Variants in GPATCH2 observed in about 807,000 individuals in gnomAD.
GPATCH2 encodes the protein G-patch domain containing 2.
Under a neutral mutation model 58.0 loss-of-function variants are expected in GPATCH2, and 51 were observed. The ratio of observed to expected loss-of-function variants is 0.88; its 90% CI spans 0.70 to 1.11. The LOEUF is 1.11. GPATCH2 is among the 50% of genes most tolerant of loss of function. The probability of loss-of-function intolerance (pLI) is 0.00; values close to 1 mark genes in which losing one functional copy is unlikely to be tolerated. For missense variants in GPATCH2, 625 were observed against 652.2 expected, an observed-to-expected ratio of 0.96 and a Z score of 0.45; for synonymous variants, 222 against 218.5, an observed-to-expected ratio of 1.02 and a Z score of -0.14.
rs868312808 is a variant in GPATCH2, at chr1:217,567,050, T to G, written c.1098+43271A>C. ...CTCAGCAAATATAACTTCTGGCTTT[T>G]TTTTTTTTTTTTTGAGACGGAGTTT... On this transcript the variant is annotated intron_variant, in intron 5 of 9. Coordinates refer to ENST00000366935, the MANE Select transcript of GPATCH2 (RefSeq NM_018040.5). 3.0e-3 allele frequency among the ~76,000 whole-genome samples: 454 copies of G among 150,830 alleles called. 4 individuals carry two copies. The highest frequency in any genetic ancestry group is 0.014 in the Middle Eastern group (4 of 294).
chr1:217,584,040 C>T (rs919155859), intron 5 of GPATCH2, among the ~76,000 whole-genome samples: 1 of 151,604 alleles, frequency 6.6e-6, no homozygotes, highest in Non-Finnish European at 1.5e-5. Context: ...AATGATCCTG[C>T]AAAGAAAGAC....
At chr1:217,514,292 T>A (rs945654741) in intron 6 of GPATCH2, among the ~76,000 whole-genome samples, 1 of 151,958 alleles carries the variant, frequency 6.6e-6, no homozygotes, top group Non-Finnish European at 1.5e-5. Context: ...CCTGAGTAGC[T>A]GGGATTACAG....
chr1:217,624,480 G>A (rs1295229187), intron 1 of GPATCH2, among the ~76,000 whole-genome samples: 1 of 152,238 alleles, frequency 6.6e-6, no homozygotes, highest in Non-Finnish European at 1.5e-5. Flanking sequence ...TCATGCCACT[G>A]TACTCCAGCC....
At chr1:217,537,192 G>T (rs147651568) in intron 5 of GPATCH2, among the ~76,000 whole-genome samples, 1 of 150,036 alleles carries the variant, frequency 6.7e-6, no homozygotes. Flanking sequence ...GGTTTATTCC[G>T]TCTCTCTGAA....
intron 5 of GPATCH2, among the ~76,000 whole-genome samples, chr1:217,543,471 G>A (rs930224360): frequency 6.6e-6 from 1 of 151,758 alleles, no homozygotes; most frequent in Non-Finnish European, 1.5e-5. Context: ...GGGTTTCAAC[G>A]TGTTAGCCAG....
intron 8 of GPATCH2, among the ~76,000 whole-genome samples, chr1:217,466,437 C>G (rs1458396401): frequency 6.6e-6 from 1 of 152,072 alleles, no homozygotes. Flanking sequence ...ATGGCCCAGG[C>G]AGGTCTCAAA....
At chr1:217,624,272 C>T (rs1669341059) in intron 1 of GPATCH2, among the ~76,000 whole-genome samples, 2 of 152,154 alleles carry the variant, frequency 1.3e-5, no homozygotes, top group Admixed American at 6.5e-5. Context: ...AATCCCAGCA[C>T]TTTGGGAGGC....
intron 6 of GPATCH2, among the ~76,000 whole-genome samples, chr1:217,512,261 G>T (rs752470416): frequency 7.2e-5 from 11 of 152,184 alleles, no homozygotes; most frequent in Non-Finnish European, 1.5e-4. Flanking sequence ...GGTTGAGGCT[G>T]CAGTGAGCCA....
chr1:217,534,537 ACTT>A (rs997373255), intron 5 of GPATCH2, among the ~76,000 whole-genome samples: 9 of 151,182 alleles, frequency 6.0e-5, no homozygotes, highest in Non-Finnish European at 1.0e-4. Flanking sequence ...TCTGTGTTAA[ACTT>A]CTTCTTCCAT....
Position 217,610,991 on chromosome 1 carries a change from C to T in GPATCH2, c.916G>A (p.Glu306Lys). 6.2e-7 allele frequency: 1 copy of T among 1,613,298 alleles called. No individual in the cohort carries two copies. The highest frequency in any genetic ancestry group is 8.5e-7 in the Non-Finnish European group (1 of 1,179,492). ...CGITGVVPWW[E>K]KEDPTELDKN... Reference sequence around the variant, plus strand: ...TCTAGCTCAGTAGGATCTTCCTTTTCCCACCAGGGCACAACTCCAGTGATA... The same window carrying T: ...TCTAGCTCAGTAGGATCTTCCTTTTTCCACCAGGGCACAACTCCAGTGATA... Residue 306 changes from glutamate (E) to lysine (K), a missense_variant, in exon 4 of 10, where the codon GAA (glutamate) becomes AAA (lysine). Transcript: ENST00000366935.
chr1:217,620,004 T>C lies in GPATCH2; in HGVS notation c.552A>G (p.Pro184=), dbSNP rs1397567425. ...TGTCCTGATCTCTACAACCCTCAGG[T>C]GGCTGGGTCATTGTCCGTTTGTTAG... ...DISNKRTMTQ[P]PEGCRDQDMD... Residue 184 remains proline (P), a synonymous_variant, in exon 2 of 10, where the codon CCA becomes CCG. Coordinates refer to ENST00000366935, the MANE Select transcript of GPATCH2 (RefSeq NM_018040.5). 3.1e-6 allele frequency: 5 copies of C among 1,613,934 alleles called. No homozygotes were observed. Among genetic ancestry groups the C allele is most frequent in the Non-Finnish European group, 3.4e-6 (4 of 1,179,964 alleles).
At position 217,431,039 on chromosome 1, in the gene GPATCH2, T is replaced by C. The variant is rs1271302572; in HGVS notation, c.*106A>G. Reference sequence around the variant, plus strand: ...GCAGTAAGGAAGCTAGAGTGATGTGTTTGAGGCAATGTAGATTTTTGCTTC... The same window carrying C: ...GCAGTAAGGAAGCTAGAGTGATGTGCTTGAGGCAATGTAGATTTTTGCTTC... On this transcript the variant is annotated 3_prime_UTR_variant, in exon 10 of 10. Transcript: ENST00000366935. 6.8e-6 allele frequency: 5 copies of C among 733,276 alleles called. No homozygotes were observed. The East Asian group carries it at 1.2e-4, about 18-fold the overall frequency. 45.4% of individuals were successfully genotyped at this position (733,276 alleles called of 1,614,324 possible).
chr1:217,447,657 A>G (rs1349869114), intron 9 of GPATCH2, among the ~76,000 whole-genome samples: 1 of 152,246 alleles, frequency 6.6e-6, no homozygotes, highest in Non-Finnish European at 1.5e-5. Context: ...TGAAAATTCA[A>G]TACAGCCAGA....
intron 5 of GPATCH2, among the ~76,000 whole-genome samples, chr1:217,597,512 C>T (rs899086551): frequency 2.6e-5 from 4 of 152,070 alleles, no homozygotes; most frequent in Non-Finnish European, 5.9e-5. Context: ...GCTCTAGATA[C>T]CTCTTAAACA....
chr1:217,511,264 T>A (rs1013419127), intron 6 of GPATCH2, among the ~76,000 whole-genome samples: 4 of 152,178 alleles, frequency 2.6e-5, no homozygotes, highest in Non-Finnish European at 5.9e-5. Flanking sequence ...AAAGATTTTA[T>A]ACTGTGCACC....
At chr1:217,464,754 C>T (rs1160170156) in intron 8 of GPATCH2, among the ~76,000 whole-genome samples, 1 of 152,100 alleles carries the variant, frequency 6.6e-6, no homozygotes, top group Non-Finnish European at 1.5e-5. Flanking sequence ...ATGAAAACAA[C>T]AGAAGAGAGA....
intron 8 of GPATCH2, among the ~76,000 whole-genome samples, chr1:217,483,831 C>G (rs559880966): frequency 2.0e-5 from 3 of 152,164 alleles, no homozygotes; most frequent in African/African-American, 7.2e-5. Flanking sequence ...GGATTGATTT[C>G]TTATTACTGA....
At chr1:217,585,764 A>G (rs1161333404) in intron 5 of GPATCH2, among the ~76,000 whole-genome samples, 1 of 152,228 alleles carries the variant, frequency 6.6e-6, no homozygotes, top group Non-Finnish European at 1.5e-5. Flanking sequence ...CCAGGGATAC[A>G]TTCTGAGAAA....
intron 8 of GPATCH2, among the ~76,000 whole-genome samples, chr1:217,489,850 G>C (rs1273519678): frequency 6.6e-6 from 1 of 152,128 alleles, no homozygotes; most frequent in Non-Finnish European, 1.5e-5. Flanking sequence ...CAACAAGAGA[G>C]AAACTCCGTC....
Sources: gnomAD v4.1 joint callset for allele counts (sites outside exome capture counted in the v4.1 genomes callset) on GRCh38, gnomAD v4.1.1 for gene constraint, MANE v1.5 for transcripts, NCBI Gene and HGNC (gene_info 2026-07-23, HGNC 2026-07-21) for gene names.